Variants in LATS1 observed in about 807,000 individuals in gnomAD.
LATS1 encodes the protein large tumor suppressor kinase 1.
LATS1 carries 25 observed loss-of-function variants against 106.6 expected under a neutral mutation model. The observed-to-expected ratio is 0.23, with a 90% confidence interval of 0.17 to 0.33. LATS1 has a LOEUF of 0.33. Among genes scored for constraint, LATS1 ranks in the 10% least tolerant of loss-of-function variants. The pLI is 1.00. For missense variants in LATS1, 1,040 were observed against 1,382.6 expected (o/e 0.75, Z 3.93); for synonymous variants, 465 against 455.6 (o/e 1.02, Z -0.26).
In LATS1 at chr6:149,679,923, G is replaced by A; in HGVS notation, c.2545C>T (p.Leu849Phe). The stretch of plus-strand genomic sequence containing the variant: ...TGTGTCCATCTGAAGCCAGTGCAGA[G>A]GCCAAAGTCAGTCAATTTAATATGA... ...DGHIKLTDFG[L>F]CTGFRWTHDS... Residue 849 changes from leucine (L) to phenylalanine (F), a missense_variant, in exon 5 of 8, where the codon CTC becomes TTC. Coordinates refer to ENST00000543571, the MANE Select transcript of LATS1 (RefSeq NM_004690.4). The A allele has an allele frequency of 6.2e-7, 1 of 1,613,190 alleles. No individual in the cohort carries two copies. The highest frequency in any genetic ancestry group is 8.5e-7 in the Non-Finnish European group (1 of 1,179,482).
chr6:149,660,923 G>T lies in LATS1; in HGVS notation c.*806C>A, dbSNP rs1485723114. On this transcript the variant is annotated 3_prime_UTR_variant, in exon 8 of 8. Transcript: ENST00000543571. The stretch of plus-strand genomic sequence containing the variant: ...AATAATTATCTGCTTAGGATGGTGA[G>T]AAATATTTTAGCTTTTAGTATTGAA... The T allele has an allele frequency of 4.7e-6, 1 of 211,788 alleles. No individual in the cohort carries two copies. The highest frequency in any genetic ancestry group is 9.6e-6 in the Non-Finnish European group (1 of 104,404). The allele number at this position is 211,788 out of a possible 1,614,324, so 13.1% of individuals were successfully genotyped here.
intron 2 of LATS1, chr6:149,697,223 C>T (rs1276290391): frequency 2.1e-6 from 2 of 967,006 alleles, no homozygotes; most frequent in Non-Finnish European, 3.0e-6. Flanking sequence ...TGAGACCAAC[C>T]AAAGAAAGGA....
At chr6:149,711,439 G>A (rs1273054291) in intron 1 of LATS1, among the ~76,000 whole-genome samples, 1 of 152,252 alleles carries the variant, frequency 6.6e-6, no homozygotes, top group Non-Finnish European at 1.5e-5. Context: ...AGCTACTCAG[G>A]AGGCTGAGGC....
intron 1 of LATS1, among the ~76,000 whole-genome samples, chr6:149,710,038 T>G (rs1010920452): frequency 1.3e-5 from 2 of 152,156 alleles, no homozygotes; most frequent in African/African-American, 4.8e-5. Flanking sequence ...CAGTAACAAC[T>G]CTTTCGACCA....
rs1263308018 is a variant in LATS1, at chr6:149,661,100, C to T, written c.*629G>A. The T allele has an allele frequency of 7.3e-6, 1 of 137,636 alleles. No individual in the cohort carries two copies. Among genetic ancestry groups the T allele is most frequent in the Non-Finnish European group, 1.3e-5 (1 of 79,282 alleles). 8.5% of individuals were successfully genotyped at this position (137,636 alleles called of 1,614,324 possible). A position where few individuals can be genotyped will look rare whatever the true frequency, so the allele number is the denominator to read the frequency against. On this transcript the variant is annotated 3_prime_UTR_variant, in exon 8 of 8. Coordinates refer to ENST00000543571, the MANE Select transcript of LATS1 (RefSeq NM_004690.4). The stretch of plus-strand genomic sequence containing the variant: ...AAGAAGATTAAATAGATTAAATATT[C>T]CATGGGGCGGGGGGTGGGGGGGAAG...
chr6:149,686,845 G>A (rs935280879), intron 3 of LATS1, among the ~76,000 whole-genome samples: 1 of 152,046 alleles, frequency 6.6e-6, no homozygotes, highest in East Asian at 1.9e-4. Flanking sequence ...CAATAACCAC[G>A]AGGATAAACC....
At chr6:149,670,687 T>C (rs1001283143) in intron 7 of LATS1, among the ~76,000 whole-genome samples, 3 of 152,082 alleles carry the variant, frequency 2.0e-5, no homozygotes, top group African/African-American at 7.3e-5. Flanking sequence ...TTCTTTGACC[T>C]GCTCTGGCAG....
At chr6:149,673,772 C>A (rs1781565494) in intron 7 of LATS1, among the ~76,000 whole-genome samples, 1 of 150,666 alleles carries the variant, frequency 6.6e-6, no homozygotes, top group African/African-American at 2.5e-5. Context: ...CTCCCAGGTT[C>A]AAGGAGTTCT....
intron 1 of LATS1, among the ~76,000 whole-genome samples, chr6:149,704,887 TACACAC>T (rs57029776): frequency 0.075 from 10,434 of 139,788 alleles, 883 homozygotes; most frequent in African/African-American, 0.22. Context: ...AAATTAATTA[TACACAC>T]ACACACACAC....
rs559863775 is a variant in LATS1, at chr6:149,668,200, T to A, written c.2884-5962A>T. Among the ~76,000 whole-genome samples, 11 of 150,910 alleles carry A rather than the reference T, an allele frequency of 7.3e-5. No homozygotes were observed. In the South Asian group the frequency reaches 2.3e-3, roughly 31 times the overall value. On this transcript the variant is annotated intron_variant, in intron 7 of 7. Transcript: ENST00000543571. ...TCCCAAAGTGCTGGGATTACAGGCA[T>A]GAGCCACTGCGCCCGGCCTCAAGTG...
At chr6:149,697,040 C>CG in intron 2 of LATS1, 1 of 713,414 alleles carries the variant, frequency 1.4e-6, no homozygotes, top group Admixed American at 2.3e-5. Flanking sequence ...CACTCACTAT[C>CG]ATGCAGAAAG....
At chr6:149,696,906 G>A (rs1194769053) in intron 2 of LATS1, among the ~76,000 whole-genome samples, 1 of 152,068 alleles carries the variant, frequency 6.6e-6, no homozygotes, top group Non-Finnish European at 1.5e-5. Flanking sequence ...CCTGTAATAG[G>A]CTCATAGGGT....
intron 1 of LATS1, 116 bp downstream of exon 1, chr6:149,717,733 C>A (rs960469274): frequency 2.2e-5 from 5 of 224,582 alleles, no homozygotes; most frequent in African/African-American, 7.2e-5. Context: ...CGGCTCTGCC[C>A]GCCAGTCCAA....
At chr6:149,678,597 T>C (rs1006143501) in intron 5 of LATS1, among the ~76,000 whole-genome samples, 19 of 152,188 alleles carry the variant, frequency 1.2e-4, no homozygotes, top group African/African-American at 4.3e-4. Context: ...TAATAATACT[T>C]ACCTCAGAGA....
intron 3 of LATS1, among the ~76,000 whole-genome samples, chr6:149,690,200 CTTTTCTTT>C (rs1312697841): frequency 5.5e-5 from 8 of 146,330 alleles, no homozygotes; most frequent in African/African-American, 1.3e-4. Flanking sequence ...TATATGTATT[CTTTTCTTT>C]TTTTCTTTTT....
intron 1 of LATS1, among the ~76,000 whole-genome samples, chr6:149,715,866 T>A (rs1481629013): frequency 2.0e-5 from 3 of 152,294 alleles, no homozygotes; most frequent in South Asian, 4.1e-4. Context: ...AAAAAGAATT[T>A]TTAAAATAAT....
In LATS1 at chr6:149,677,505, G is replaced by C. The variant is rs146376847; in HGVS notation, c.2594-768C>G. On this transcript the variant is annotated intron_variant, in intron 5 of 7. Transcript: ENST00000543571. ...AAGTAAAGTGAGAAGATATTGCAGA[G>C]TTCGAAGCAAGAAGATAACAGTATC... Among the ~76,000 whole-genome samples, 3 of 152,206 alleles carry C rather than the reference G, an allele frequency of 2.0e-5. No homozygotes were observed. The East Asian group carries it at 5.8e-4, about 29-fold the overall frequency.
intron 1 of LATS1, among the ~76,000 whole-genome samples, chr6:149,704,234 C>T (rs1476075867): frequency 6.6e-6 from 1 of 152,038 alleles, no homozygotes; most frequent in African/African-American, 2.4e-5. Flanking sequence ...GACTCCCGAC[C>T]TCAGGTGATC....
Position 149,683,362 on chromosome 6 carries a change from A to G in LATS1, c.1727T>C (p.Ile576Thr). The change falls in exon 4 of 8, where the codon ATC becomes ACC. Residue 576 changes from isoleucine to threonine, a missense_variant. Ile to Thr is a moderately conservative substitution (Grantham distance 89). Transcript: ENST00000543571. ...QNPSVPPYES[I>T]SKPSKEDQPS... ...CTGATCCTCTTTGCTAGGCTTACTG[A>G]TTGACTCGTATGGAGGAACAGATGG... The G allele has an allele frequency of 6.2e-7, 1 of 1,614,036 alleles. No homozygotes were observed. Among genetic ancestry groups the G allele is most frequent in the Non-Finnish European group, 8.5e-7 (1 of 1,180,030 alleles).
Sources: allele counts gnomAD v4.1 joint callset (sites outside exome capture counted in the v4.1 genomes callset), GRCh38; gene constraint gnomAD v4.1.1; transcripts MANE v1.5; gene names NCBI Gene and HGNC (gene_info 2026-07-23, HGNC 2026-07-21).